DZANK1: variants seen among roughly 807,000 people sequenced by gnomAD.
DZANK1 encodes double zinc ribbon and ankyrin repeat-containing protein 1.
DZANK1 carries 91 observed loss-of-function variants against 94.5 expected under a neutral mutation model. The ratio of observed to expected loss-of-function variants is 0.96; its 90% confidence interval spans 0.81 to 1.15. The LOEUF (loss-of-function observed/expected upper bound fraction) is 1.15. Ranked by LOEUF, DZANK1 falls within the 50% of genes most tolerant of loss-of-function variation. The pLI, the probability that DZANK1 is intolerant of heterozygous loss-of-function variation, is 0.00. For missense variants in DZANK1, 903 were observed against 916.4 expected, an observed-to-expected ratio of 0.99 and a Z score of 0.19; for synonymous variants, 312 against 325.3, an observed-to-expected ratio of 0.96 and a Z score of 0.44.
chr20:18,452,865 A>C, intron 5 of DZANK1, 126 bp from the exon 6 acceptor site: 1 of 989,556 alleles, frequency 1.0e-6, no homozygotes, highest in Non-Finnish European at 1.4e-6. Context: ...CCCTAGAAGT[A>C]ACAATTATAT....
chr20:18,453,889 A>G, intron 4 of DZANK1, 62 bp from the exon 5 acceptor site: 2 of 1,030,820 alleles, frequency 1.9e-6, no homozygotes, highest in Middle Eastern at 2.0e-4. Context: ...TTAAAGCTGC[A>G]TGATAGAGAA....
At chr20:18,466,545 C>A (rs546624752) in intron 1 of DZANK1, among the ~76,000 whole-genome samples, 141 of 152,306 alleles carry the variant, frequency 9.3e-4, no homozygotes, top group African/African-American at 3.3e-3. Flanking sequence ...GGACTTGAGA[C>A]TTGCCCATAG....
At chr20:18,403,383 G>A (rs1389001188) in intron 13 of DZANK1, among the ~76,000 whole-genome samples, 1 of 152,194 alleles carries the variant, frequency 6.6e-6, no homozygotes, top group African/African-American at 2.4e-5. Flanking sequence ...GAAAAAACAT[G>A]CCATTGTCTC....
chr20:18,437,612 A>G (rs1355217185), intron 8 of DZANK1, among the ~76,000 whole-genome samples: 1 of 152,056 alleles, frequency 6.6e-6, no homozygotes, highest in Non-Finnish European at 1.5e-5. Context: ...AAAGAAAAGA[A>G]AAAGAAAGAG....
chr20:18,388,394 T>C (rs1401697722), intron 19 of DZANK1, among the ~76,000 whole-genome samples: 2 of 152,066 alleles, frequency 1.3e-5, no homozygotes, highest in Non-Finnish European at 2.9e-5. Context: ...CACAGCAAAA[T>C]AAAAAGGCAA....
At position 18,453,805 on chromosome 20, in the gene DZANK1, C is replaced by T. The variant is rs755857451; in HGVS notation, c.401G>A (p.Gly134Glu). ...CTTATATTTTTTCTTTAGTTTTGATCCAACAAATCCATTTTTGAATTCCTA... is the reference window on the plus strand; with the variant it reads ...CTTATATTTTTTCTTTAGTTTTGATTCAACAAATCCATTTTTGAATTCCTA... Residue 134 changes from glycine to glutamate, a missense_variant, in exon 5 of 21, where the codon GGA (glycine) becomes GAA (glutamate). Transcript: ENST00000262547. The T allele has an allele frequency of 1.4e-5, 22 of 1,606,198 alleles. No individual in the cohort carries two copies. The highest frequency in any genetic ancestry group is 1.4e-5 in the Non-Finnish European group (17 of 1,173,050).
chr20:18,426,742 G>C (rs2058061887), intron 10 of DZANK1, among the ~76,000 whole-genome samples: 1 of 152,104 alleles, frequency 6.6e-6, no homozygotes, highest in African/African-American at 2.4e-5. Context: ...GAAGGTGGAG[G>C]GGATGACAAA....
At chr20:18,465,541 T>C in intron 1 of DZANK1, 164 bp from the exon 2 acceptor site, 1 of 303,748 alleles carries the variant, frequency 3.3e-6, no homozygotes, top group Non-Finnish European at 6.0e-6. Flanking sequence ...CATCTGTATT[T>C]GCTGTTGAGG....
chr20:18,466,639 T>C (rs940953854), intron 1 of DZANK1, among the ~76,000 whole-genome samples: 2 of 152,228 alleles, frequency 1.3e-5, no homozygotes, highest in Admixed American at 6.5e-5. Flanking sequence ...GAGGAAGTAA[T>C]TCGCGAGCGT....
chr20:18,428,161 AAAAG>A (rs921435856), intron 9 of DZANK1, among the ~76,000 whole-genome samples: 11 of 151,190 alleles, frequency 7.3e-5, no homozygotes, highest in Admixed American at 1.3e-4. Context: ...AAAAAAAAAA[AAAAG>A]AAAGAGAGTG....
rs117200078 is a variant in DZANK1, at chr20:18,441,167, T to C, written c.747+2180A>G. 2.5e-3 allele frequency among the ~76,000 whole-genome samples: 380 copies of C among 152,244 alleles called. 6 individuals carry two copies. Among genetic ancestry groups the C allele is most frequent in the Admixed American group, 0.02 (311 of 15,294 alleles). ...GTCAAGTGCAGCAGTTACTTGGCCATTCAAGATACTTGCTTCAATTGGCAC... is the reference window on the plus strand; with the variant it reads ...GTCAAGTGCAGCAGTTACTTGGCCACTCAAGATACTTGCTTCAATTGGCAC... On this transcript the variant is annotated intron_variant, in intron 8 of 20. Transcript: ENST00000262547. The surrounding 1 kb of genome is among the most constrained non-coding windows in gnomAD (Gnocchi z 4.1).
intron 19 of DZANK1, among the ~76,000 whole-genome samples, chr20:18,386,554 A>T (rs76539194): frequency 0.027 from 4,144 of 152,304 alleles, 90 homozygotes; most frequent in African/African-American, 0.057. Context: ...AAGAATAACG[A>T]TTATTCAATA....
intron 4 of DZANK1, among the ~76,000 whole-genome samples, chr20:18,454,880 C>A (rs1201691308): frequency 1.3e-5 from 2 of 152,212 alleles, no homozygotes; most frequent in Non-Finnish European, 2.9e-5. Flanking sequence ...ATAGCAAACA[C>A]ACTCCAGTTT....
At chr20:18,448,904 A>T in intron 7 of DZANK1, 80 bp downstream of exon 7, 7 of 1,233,484 alleles carry the variant, frequency 5.7e-6, no homozygotes, top group Non-Finnish European at 8.0e-6. Flanking sequence ...GTGGGCAAAA[A>T]TGTCGTATCT....
intron 3 of DZANK1, among the ~76,000 whole-genome samples, chr20:18,456,526 T>C (rs1237704466): frequency 6.6e-6 from 1 of 152,236 alleles, no homozygotes; most frequent in Non-Finnish European, 1.5e-5. Flanking sequence ...TGGAAATATT[T>C]AGGACATTTC....
At chr20:18,394,805 A>C (rs886840347) in intron 15 of DZANK1, 4 of 457,092 alleles carry the variant, frequency 8.8e-6, no homozygotes, top group Non-Finnish European at 1.8e-5. Flanking sequence ...TTACTAACTT[A>C]GTGCCCTTGG....
rs565783652 is a variant in DZANK1, at chr20:18,438,458, CA to C, written c.748-4694del. 5.9e-4 allele frequency among the ~76,000 whole-genome samples: 90 copies of C among 152,074 alleles called. No homozygotes were observed. In the Middle Eastern group the frequency reaches 0.01, roughly 17 times the overall value. On this transcript the variant is annotated intron_variant, in intron 8 of 20. Transcript: ENST00000262547. ...GTCTACTAGAAACACACCTTAAATT[CA>C]AAGACACAAATAGATTGAAAGTAAA...
At chr20:18,433,168 C>A in intron 9 of DZANK1, 1 of 158,532 alleles carries the variant, frequency 6.3e-6, no homozygotes, top group South Asian at 1.9e-4. Context: ...ATTATAGATC[C>A]TATTGGCAAA....
In DZANK1 at chr20:18,385,055, A is replaced by G. The variant is rs2048399210; in HGVS notation, c.2054T>C (p.Leu685Pro). The stretch of plus-strand genomic sequence containing the variant: ...GGTGCTCTCTCTTCCTGCAAGGCCA[A>G]GCAGAGTTGCTTCATGAAGAGCTGT... Residue 685 changes from leucine (L) to proline (P), a missense_variant, in exon 20 of 21, where the codon CTT (leucine) becomes CCT (proline). Coordinates refer to ENST00000262547, the Ensembl canonical transcript of DZANK1. 4 of 1,553,370 alleles carry G rather than the reference A, an allele frequency of 2.6e-6. No homozygotes were observed. The highest frequency in any genetic ancestry group is 2.0e-5 in the Admixed American group (1 of 51,236).
Sources: gnomAD v4.1 joint callset for allele counts (sites outside exome capture counted in the v4.1 genomes callset) on GRCh38, gnomAD v4.1.1 for gene constraint, Gnocchi (gnomAD v3.1) non-coding constraint, MANE v1.5 for transcripts, NCBI Gene and HGNC (gene_info 2026-07-23, HGNC 2026-07-21) for gene names.